ACOX3: variants seen among roughly 807,000 people sequenced by gnomAD.
The protein encoded by ACOX3 is acyl-CoA oxidase 3, pristanoyl.
In ACOX3, 73 loss-of-function variants were observed where a neutral mutation model predicts 81.5. That is an observed-to-expected ratio of 0.90 (90% CI 0.74 to 1.09). ACOX3 has a LOEUF of 1.09. ACOX3 is among the 50% of genes least tolerant of loss of function. The probability of loss-of-function intolerance (pLI) is 0.00; values close to 1 mark genes in which losing one functional copy is unlikely to be tolerated. For synonymous variants in ACOX3, 387 were observed against 375.1 expected (o/e 1.03, Z -0.37); for missense variants, 947 against 928.0 (o/e 1.02, Z -0.27).
Position 8,392,356 on chromosome 4 carries a change from C to T in ACOX3, c.1277G>A (p.Cys426Tyr), listed in dbSNP as rs1247818408. The T allele has an allele frequency of 1.9e-6, 3 of 1,602,034 alleles. No homozygotes were observed. The African/African-American group carries it at 4.0e-5, about 22-fold the overall frequency. ...ACTGGCCAGATAGCCGTGTCCTCCA[C>T]ACGCCTCCCGGCATTCCTGAATTCC... ...QQGIQECREA[C>Y]GGHGYLAMNR... The change falls in exon 11 of 18, where the codon TGT becomes TAT. Residue 426 changes from cysteine (C) to tyrosine (Y), a missense_variant. Coordinates refer to ENST00000356406, the MANE Select transcript of ACOX3 (RefSeq NM_003501.3).
intron 1 of ACOX3, among the ~76,000 whole-genome samples, chr4:8,422,799 G>A (rs1037093759): frequency 1.3e-5 from 2 of 152,152 alleles, no homozygotes; most frequent in Admixed American, 6.5e-5. Flanking sequence ...AAAGGGAAAC[G>A]CTGGGCAAAT....
chr4:8,378,499 C>T (rs945153475), intron 14 of ACOX3, among the ~76,000 whole-genome samples: 3 of 152,024 alleles, frequency 2.0e-5, no homozygotes, highest in African/African-American at 4.8e-5. Context: ...AGGCAGGCTG[C>T]GGGGACGCCA....
In ACOX3 at chr4:8,416,080, G is replaced by T; in HGVS notation, c.145-81C>A. ...GTGCCCTTATATAGTTGACCTCCAG[G>T]CCACAGGCTTCATGGGACACAGTCT... On this transcript the variant is annotated intron_variant, in intron 2 of 17. Transcript: ENST00000356406. This position sits in a 1 kb window ranked among gnomAD's most constrained non-coding sequence, Gnocchi z 4.2. 2 of 1,386,920 alleles carry T rather than the reference G, an allele frequency of 1.4e-6. No individual in the cohort carries two copies. The highest frequency in any genetic ancestry group is 2.0e-6 in the Non-Finnish European group (2 of 989,678). The allele number at this position is 1,386,920 out of a possible 1,614,324, so 85.9% of individuals were successfully genotyped here.
chr4:8,356,325 T>C, the ACOX3 span: 1 of 358,456 alleles, frequency 2.8e-6, no homozygotes, highest in Non-Finnish European at 5.5e-6. Context: ...CCCACACTGC[T>C]GGTATAAGAA....
chr4:8,435,503 A>C (rs951485120), intron 1 of ACOX3, among the ~76,000 whole-genome samples: 10 of 152,032 alleles, frequency 6.6e-5, no homozygotes, highest in African/African-American at 2.4e-4. Flanking sequence ...CTCAAAAAAA[A>C]GAAAAAAAAA....
At chr4:8,357,470 A>AT in the ACOX3 span, 5 of 341,212 alleles carry the variant, frequency 1.5e-5, no homozygotes, top group South Asian at 1.2e-4. Context: ...AGTGATATCT[A>AT]TTTTCATCTT....
intron 5 of ACOX3, among the ~76,000 whole-genome samples, chr4:8,413,298 C>T (rs1316373660): frequency 1.7e-5 from 2 of 119,756 alleles, no homozygotes; most frequent in Non-Finnish European, 3.4e-5. Context: ...ATCCGTGTCC[C>T]GTCTCACTGC....
chr4:8,376,510 C>G (rs1197760421), intron 14 of ACOX3, among the ~76,000 whole-genome samples: 1 of 152,206 alleles, frequency 6.6e-6, no homozygotes, highest in Admixed American at 6.5e-5. Context: ...GGTCTCCAGT[C>G]ACAAAGCCAG....
At chr4:8,387,899 C>G (rs1408049910) in intron 13 of ACOX3, among the ~76,000 whole-genome samples, 1 of 152,184 alleles carries the variant, frequency 6.6e-6, no homozygotes, top group East Asian at 1.9e-4. Context: ...CAGGGCAGAC[C>G]CCCTCACCTG....
chr4:8,411,240 G>A (rs988284180), intron 5 of ACOX3, among the ~76,000 whole-genome samples: 3 of 152,232 alleles, frequency 2.0e-5, no homozygotes, highest in South Asian at 2.1e-4. Context: ...TCCTCCACGC[G>A]GAGCTTGCCA....
chr4:8,406,055 C>T lies in ACOX3; in HGVS notation c.688-12G>A, dbSNP rs776804826. ...TTCGGGTCCCGGATCTATACAAAGC[C>T]ACAGAAAGCAGCAAACAGCAACTGT... On this transcript the variant is annotated splice_polypyrimidine_tract_variant and intron_variant, in intron 6 of 17. Transcript: ENST00000356406. This position sits in a 1 kb window ranked among gnomAD's most constrained non-coding sequence, Gnocchi z 5.6. 2.5e-6 allele frequency: 4 copies of T among 1,612,556 alleles called. No homozygotes were observed. Among genetic ancestry groups the T allele is most frequent in the Non-Finnish European group, 2.5e-6 (3 of 1,178,770 alleles).
intron 9 of ACOX3, among the ~76,000 whole-genome samples, chr4:8,396,311 CCCG>C (rs1396366704): frequency 6.6e-6 from 1 of 152,184 alleles, no homozygotes; most frequent in Non-Finnish European, 1.5e-5. Context: ...AAGGCCACTA[CCCG>C]CCAAGCTGTG....
rs1160625685 is a variant in ACOX3 at position 8,406,694 on chromosome 4, CAG to C, written c.688-653_688-652del. Reference sequence around the variant, plus strand: ...GCCCTTCCCTGCCTGGCAGCTGAGGCAGAGAGAGAGAGAGGAGACAGAGAGAA... The same window carrying C: ...GCCCTTCCCTGCCTGGCAGCTGAGGCAGAGAGAGAGAGGAGACAGAGAGAA... On this transcript the variant is annotated intron_variant, in intron 6 of 17. Transcript: ENST00000356406. This position sits in a 1 kb window ranked among gnomAD's most constrained non-coding sequence, Gnocchi z 5.6. Among the ~76,000 whole-genome samples the C allele has an allele frequency of 1.1e-3, 167 of 148,872 alleles. No individual in the cohort carries two copies. Among genetic ancestry groups the C allele is most frequent in the Admixed American group, 1.0e-3 (15 of 14,950 alleles).
chr4:8,410,502 G>T, intron 5 of ACOX3, 147 bp from the exon 6 acceptor site: 1 of 1,050,966 alleles, frequency 9.5e-7, no homozygotes, highest in East Asian at 2.6e-5. Flanking sequence ...GTTCTTGTAT[G>T]GCACAGGCAG....
At chr4:8,365,432 G>C (rs1715351145), downstream of ACOX3, among the ~76,000 whole-genome samples, 1 of 152,240 alleles carries the variant, frequency 6.6e-6, no homozygotes, top group South Asian at 2.1e-4. Context: ...CTGGGTTCGA[G>C]TGACAATGGA....
intron 6 of ACOX3, among the ~76,000 whole-genome samples, chr4:8,409,170 CAACAAAAGAAAAA>C (rs1218455047): frequency 1.3e-5 from 2 of 152,154 alleles, no homozygotes; most frequent in Non-Finnish European, 2.9e-5. Flanking sequence ...AGAACATGAG[CAACAAAAGAAAAA>C]AACGTAAAAC....
At chr4:8,435,768 G>C (rs1035968840) in intron 1 of ACOX3, among the ~76,000 whole-genome samples, 2 of 152,206 alleles carry the variant, frequency 1.3e-5, no homozygotes, top group Non-Finnish European at 2.9e-5. Context: ...GAGTTGAAAA[G>C]GGGAGTCCCA....
Position 8,414,201 on chromosome 4 carries a change from G to T in ACOX3, c.543+91C>A. 2 of 1,009,912 alleles carry T rather than the reference G, an allele frequency of 2.0e-6. No homozygotes were observed. Among genetic ancestry groups the T allele is most frequent in the Non-Finnish European group, 3.0e-6 (2 of 671,954 alleles). 62.6% of individuals were successfully genotyped at this position (1,009,912 alleles called of 1,614,324 possible). ...ATGTGGACAGGCCTCTTGCTTTAATGTTTTTTTTTTCTTATTCTGGGCAAC... is the reference window on the plus strand; with the variant it reads ...ATGTGGACAGGCCTCTTGCTTTAATTTTTTTTTTTTCTTATTCTGGGCAAC... On this transcript the variant is annotated intron_variant, in intron 5 of 17. Coordinates refer to ENST00000356406, the MANE Select transcript of ACOX3 (RefSeq NM_003501.3). This position sits in a 1 kb window ranked among gnomAD's most constrained non-coding sequence, Gnocchi z 6.1.
chr4:8,379,724 GC>G (rs966463008), intron 14 of ACOX3, among the ~76,000 whole-genome samples: 10 of 152,202 alleles, frequency 6.6e-5, no homozygotes, highest in African/African-American at 9.6e-5. Context: ...GTCCTTTTGT[GC>G]CCCCCATCTC....
Sources: allele counts gnomAD v4.1 joint callset (sites outside exome capture counted in the v4.1 genomes callset), GRCh38; gene constraint gnomAD v4.1.1; non-coding constraint Gnocchi (gnomAD v3.1); transcripts MANE v1.5; gene names NCBI Gene and HGNC (gene_info 2026-07-23, HGNC 2026-07-21).